Variants in DAB1 observed in about 807,000 individuals in gnomAD.
The protein encoded by DAB1 is DAB adaptor protein 1, also known as disabled homolog 1.
In DAB1, 15 loss-of-function variants were observed where a neutral mutation model predicts 64.6. The ratio of observed to expected loss-of-function variants is 0.23; its 90% confidence interval spans 0.16 to 0.36. The LOEUF (loss-of-function observed/expected upper bound fraction) is 0.36. DAB1 is among the 10% of genes least tolerant of loss of function. The probability of loss-of-function intolerance (pLI) is 1.00; values close to 1 mark genes in which losing one functional copy is unlikely to be tolerated. For missense variants in DAB1, 596 were observed against 706.7 expected, an observed-to-expected ratio of 0.84 and a Z score of 1.78; for synonymous variants, 235 against 251.9, an observed-to-expected ratio of 0.93 and a Z score of 0.64.
chr1:58,222,042 C>T (rs1659199030), intron 4 of DAB1, among the ~76,000 whole-genome samples: 1 of 152,134 alleles, frequency 6.6e-6, no homozygotes, highest in African/African-American at 2.4e-5. Context: ...TTAGAATATG[C>T]TTTAGGCAGA....
intron 5 of DAB1, among the ~76,000 whole-genome samples, chr1:58,125,089 T>C (rs2100680286): frequency 6.6e-6 from 1 of 152,272 alleles, no homozygotes; most frequent in South Asian, 2.1e-4. Context: ...TATAAATTAA[T>C]ATAAAATGAA....
intron 3 of DAB1, among the ~76,000 whole-genome samples, chr1:58,394,301 G>T (rs1353665901): frequency 6.6e-6 from 1 of 152,170 alleles, no homozygotes; most frequent in Non-Finnish European, 1.5e-5. Flanking sequence ...GAAGCTATTT[G>T]TCAGTTTCTC....
chr1:57,078,051 T>C (rs1652152026), intron 4 of DAB1, among the ~76,000 whole-genome samples: 1 of 152,194 alleles, frequency 6.6e-6, no homozygotes. Flanking sequence ...CCAGGCTCAT[T>C]ACAAAGGCCT....
rs139958200 is a variant in DAB1 at position 58,179,628 on chromosome 1, C to T, written n.310-29040G>A. 8.7e-3 allele frequency among the ~76,000 whole-genome samples: 1,319 copies of T among 152,160 alleles called. 70 individuals carry two copies. Among genetic ancestry groups the T allele is most frequent in the Admixed American group, 0.078 (1,193 of 15,276 alleles). Reference sequence around the variant, plus strand: ...TCTAAATTTTTGGCATAAAGTTGTTCATAGAATTCCCTTAAGCCTTTTAAT... The same window carrying T: ...TCTAAATTTTTGGCATAAAGTTGTTTATAGAATTCCCTTAAGCCTTTTAAT... On this transcript the variant is annotated intron_variant and non_coding_transcript_variant, in intron 4 of 20. Transcript: ENST00000485760.
chr1:57,108,165 A>G (rs1483721367), intron 4 of DAB1, among the ~76,000 whole-genome samples: 1 of 152,162 alleles, frequency 6.6e-6, no homozygotes, highest in Non-Finnish European at 1.5e-5. Context: ...AACGCAAAAT[A>G]TCCCAGCACA....
At chr1:57,047,908 G>T (rs1027484661) in intron 9 of DAB1, among the ~76,000 whole-genome samples, 1 of 152,172 alleles carries the variant, frequency 6.6e-6, no homozygotes, top group Non-Finnish European at 1.5e-5. Context: ...GGCAGGTCTT[G>T]CTCATCCTTA....
intron 5 of DAB1, among the ~76,000 whole-genome samples, chr1:58,018,303 T>G (rs2100447084): frequency 6.6e-6 from 1 of 152,238 alleles, no homozygotes; most frequent in Admixed American, 6.5e-5. Flanking sequence ...CTGGGACTAC[T>G]CCCCAGCTGC....
At chr1:57,084,179 G>A (rs1271283904) in intron 4 of DAB1, among the ~76,000 whole-genome samples, 2 of 152,142 alleles carry the variant, frequency 1.3e-5, no homozygotes, top group Non-Finnish European at 2.9e-5. Context: ...GATCATACAG[G>A]GTGGCCCACT....
intron 6 of DAB1, among the ~76,000 whole-genome samples, chr1:57,748,208 A>T (rs1365692402): frequency 6.6e-6 from 1 of 152,164 alleles, no homozygotes; most frequent in African/African-American, 2.4e-5. Flanking sequence ...AACATCAAAG[A>T]CCTTGCCCCA....
At chr1:57,283,090 G>A (rs1172378190) in intron 2 of DAB1, among the ~76,000 whole-genome samples, 1 of 152,210 alleles carries the variant, frequency 6.6e-6, no homozygotes, top group East Asian at 1.9e-4. Context: ...ATGACCTGGG[G>A]CAAGTCTCTT....
At chr1:57,469,048 CTCTG>C (rs1430085397) in intron 7 of DAB1, among the ~76,000 whole-genome samples, 3 of 152,186 alleles carry the variant, frequency 2.0e-5, no homozygotes, top group African/African-American at 7.2e-5. Context: ...AGATGAAGAA[CTCTG>C]TCTGCAAATT....
chr1:57,297,109 T>G (rs1673260222), intron 1 of DAB1, among the ~76,000 whole-genome samples: 1 of 151,992 alleles, frequency 6.6e-6, no homozygotes, highest in African/African-American at 2.4e-5. Flanking sequence ...TCTAATCAGA[T>G]TAGGCATTTA....
At chr1:58,394,363 A>G (rs574369544) in intron 3 of DAB1, among the ~76,000 whole-genome samples, 1 of 152,208 alleles carries the variant, frequency 6.6e-6, no homozygotes, top group Non-Finnish European at 1.5e-5. Context: ...AGTCCTGAGT[A>G]TTTACTCAGA....
chr1:57,475,058 G>C (rs534775949), intron 7 of DAB1, among the ~76,000 whole-genome samples: 2 of 152,098 alleles, frequency 1.3e-5, no homozygotes, highest in African/African-American at 4.8e-5. Context: ...TCAGGAGCTC[G>C]AGACCAGTCC....
chr1:58,002,678 T>G (rs35830817), intron 5 of DAB1, among the ~76,000 whole-genome samples: 23,132 of 151,812 alleles, frequency 0.15, 2,096 homozygotes, highest in East Asian at 0.29. Flanking sequence ...TATATATATA[T>G]ATAGAGAGAG....
At chr1:57,529,816 T>C (rs918010288) in intron 7 of DAB1, among the ~76,000 whole-genome samples, 2 of 152,178 alleles carry the variant, frequency 1.3e-5, no homozygotes, top group African/African-American at 4.8e-5. Context: ...CACTCCTCCT[T>C]GTTGTTTTTT....
At chr1:57,405,989 G>A (rs1183546374) in intron 1 of DAB1, among the ~76,000 whole-genome samples, 1 of 152,146 alleles carries the variant, frequency 6.6e-6, no homozygotes, top group Non-Finnish European at 1.5e-5. Flanking sequence ...TGAAGTTGCT[G>A]GGCAAACCTT....
At chr1:57,739,443 TCCCCTCCCCTCCCCTTCCCTC>T (rs1647861664) in intron 6 of DAB1, among the ~76,000 whole-genome samples, 7 of 7,214 alleles carry the variant, frequency 9.7e-4, no homozygotes, top group African/African-American at 2.7e-3. Context: ...TCCCCTCCCC[TCCCCTCCCCTCCCCTTCCCTC>T]CCCTCCCCTC....
At chr1:57,298,086 A>G (rs1188911575) in intron 1 of DAB1, among the ~76,000 whole-genome samples, 1 of 151,272 alleles carries the variant, frequency 6.6e-6, no homozygotes, top group Non-Finnish European at 1.5e-5. Context: ...CTCCCTCTCC[A>G]TTCCTGGGAC....
Sources: allele counts gnomAD v4.1 joint callset (sites outside exome capture counted in the v4.1 genomes callset), GRCh38; gene constraint gnomAD v4.1.1; transcripts MANE v1.5; gene names NCBI Gene and HGNC (gene_info 2026-07-23, HGNC 2026-07-21).